EDNRA: variants seen among roughly 807,000 people sequenced by gnomAD.
The protein encoded by EDNRA is endothelin receptor type A, also known as endothelin-1 receptor.
In EDNRA, 11 loss-of-function variants were observed where a neutral mutation model predicts 41.4. The ratio of observed to expected loss-of-function variants is 0.27; its 90% CI spans 0.17 to 0.44. EDNRA has a LOEUF of 0.44. EDNRA is among the 20% of genes least tolerant of loss of function. The probability of loss-of-function intolerance (pLI) is 1.00; values close to 1 mark genes in which losing one functional copy is unlikely to be tolerated. For synonymous variants in EDNRA, 172 were observed against 183.0 expected, an observed-to-expected ratio of 0.94 and a Z score of 0.49; for missense variants, 294 against 531.0, an observed-to-expected ratio of 0.55 and a Z score of 4.39.
chr4:147,485,567 G>T, intron 1 of EDNRA, 45 bp from the exon 2 acceptor site: 1 of 1,156,674 alleles, frequency 8.6e-7, no homozygotes, highest in Non-Finnish European at 1.2e-6. Flanking sequence ...TGATCTTTTT[G>T]GCAACTGGGT....
At chr4:147,485,179 A>G (rs1440665877) in intron 1 of EDNRA, among the ~76,000 whole-genome samples, 4 of 152,370 alleles carry the variant, frequency 2.6e-5, no homozygotes, top group Non-Finnish European at 4.4e-5. Flanking sequence ...AGAAGTAACT[A>G]CTACTTAAAG....
chr4:147,520,216 C>T (rs192759190), intron 3 of EDNRA, among the ~76,000 whole-genome samples: 23 of 152,232 alleles, frequency 1.5e-4, no homozygotes, highest in East Asian at 5.8e-4. Context: ...ACCCATTTGA[C>T]GCCCTTTTGG....
intron 2 of EDNRA, among the ~76,000 whole-genome samples, chr4:147,507,592 G>T (rs920063994): frequency 6.6e-6 from 1 of 152,142 alleles, no homozygotes; most frequent in Non-Finnish European, 1.5e-5. Flanking sequence ...GGATCCTTGC[G>T]GTGATAAACC....
chr4:147,508,663 T>C (rs1302578171), intron 2 of EDNRA, among the ~76,000 whole-genome samples: 4 of 152,192 alleles, frequency 2.6e-5, no homozygotes, highest in African/African-American at 9.6e-5. Flanking sequence ...ATCTAAGTTA[T>C]TTTTTTGCAT....
intron 2 of EDNRA, chr4:147,490,908 T>A (rs1729116276): frequency 6.6e-6 from 1 of 152,128 alleles, no homozygotes; most frequent in African/African-American, 2.4e-5. Flanking sequence ...GAAACAAGAA[T>A]GCAGGGAGAT....
chr4:147,525,526 T>A (rs1359323828), intron 3 of EDNRA, among the ~76,000 whole-genome samples: 1 of 150,242 alleles, frequency 6.7e-6, no homozygotes, highest in African/African-American at 2.5e-5. Context: ...CATTACCAGC[T>A]ATTAAAATAG....
At chr4:147,495,330 T>G (rs922031423) in intron 2 of EDNRA, 1 of 152,222 alleles carries the variant, frequency 6.6e-6, no homozygotes, top group Non-Finnish European at 1.5e-5. Context: ...CAAATAGATT[T>G]TCAAAGACTG....
intron 4 of EDNRA, among the ~76,000 whole-genome samples, chr4:147,535,108 T>C (rs1027308200): frequency 6.6e-6 from 1 of 152,212 alleles, no homozygotes; most frequent in Non-Finnish European, 1.5e-5. Flanking sequence ...TGGTGATTAA[T>C]TTTGTGGGAA....
intron 3 of EDNRA, among the ~76,000 whole-genome samples, chr4:147,528,357 C>CT (rs755450847): frequency 0.011 from 1,262 of 119,422 alleles, 7 homozygotes; most frequent in Non-Finnish European, 0.014. Flanking sequence ...TTCTTGCTTT[C>CT]TTTTTTTTTT....
At chr4:147,542,447 C>T in intron 7 of EDNRA, 31 bp from the exon 8 acceptor site, 1 of 1,613,316 alleles carries the variant, frequency 6.2e-7, no homozygotes, top group South Asian at 1.1e-5. Context: ...CTGGTAGGCT[C>T]GCCTTACTTC....
chr4:147,521,075 A>G (rs958998347), intron 3 of EDNRA, among the ~76,000 whole-genome samples: 1 of 152,082 alleles, frequency 6.6e-6, no homozygotes, highest in Non-Finnish European at 1.5e-5. Context: ...TGAGTAACAT[A>G]GGAAAACCCC....
At position 147,486,840 on chromosome 4, in the gene EDNRA, T is replaced by C. The variant is rs1489880475; in HGVS notation, c.420+739T>C. ...AAACACAACAAAGTCAGTGCCTCAG[T>C]GTGAGAGGAAGATAACTAACCTTGC... On this transcript the variant is annotated intron_variant, in intron 2 of 7. Coordinates refer to ENST00000651419, the MANE Select transcript of EDNRA (RefSeq NM_001957.4). This position sits in a 1 kb window ranked among gnomAD's most constrained non-coding sequence, Gnocchi z 4.3. Among the ~76,000 whole-genome samples the C allele has an allele frequency of 1.3e-5, 2 of 150,638 alleles. No individual in the cohort carries two copies. Among genetic ancestry groups the C allele is most frequent in the African/African-American group, 4.9e-5 (2 of 40,720 alleles).
intron 2 of EDNRA, chr4:147,495,424 A>G (rs1729270513): frequency 1.3e-5 from 2 of 152,254 alleles, no homozygotes. Context: ...GAAGTAACAC[A>G]TTGTAAAGAA....
At position 147,500,098 on chromosome 4, in the gene EDNRA, C is replaced by A. The variant is rs374549300; in HGVS notation, c.420+13997C>A. ...GGGATTACGAGTGTGAGCCACCACA[C>A]CTAGCCTCTAAAAGTCTTAAAGATA... On this transcript the variant is annotated intron_variant, in intron 2 of 7. Transcript: ENST00000651419. 1.2e-3 allele frequency among the ~76,000 whole-genome samples: 178 copies of A among 152,244 alleles called. 1 individual carries two copies. Among genetic ancestry groups the A allele is most frequent in the African/African-American group, 3.9e-3 (163 of 41,528 alleles).
At chr4:147,509,267 A>G (rs1578793359) in intron 2 of EDNRA, among the ~76,000 whole-genome samples, 1 of 152,178 alleles carries the variant, frequency 6.6e-6, no homozygotes, top group Admixed American at 6.5e-5. Context: ...GAAGAGTACA[A>G]TGACCTTTAG....
Position 147,542,769 on chromosome 4 carries a change from A to G in EDNRA, c.*151A>G, listed in dbSNP as rs200498830. ...AAATGCTTTCCAAAACCGCAAGGGTAGACTGGTTTATCCACCCACAACATC... is the reference window on the plus strand; with the variant it reads ...AAATGCTTTCCAAAACCGCAAGGGTGGACTGGTTTATCCACCCACAACATC... On this transcript the variant is annotated 3_prime_UTR_variant, in exon 8 of 8. Coordinates refer to ENST00000651419, the MANE Select transcript of EDNRA (RefSeq NM_001957.4). 3 of 962,988 alleles carry G rather than the reference A, an allele frequency of 3.1e-6. No individual in the cohort carries two copies. The highest frequency in any genetic ancestry group is 4.5e-6 in the Non-Finnish European group (3 of 670,688). The allele number at this position is 962,988 out of a possible 1,614,324, so 59.7% of individuals were successfully genotyped here.
At chr4:147,514,204 A>G (rs9993718) in intron 2 of EDNRA, among the ~76,000 whole-genome samples, 5,234 of 152,270 alleles carry the variant, frequency 0.034, 322 homozygotes, top group African/African-American at 0.12. Flanking sequence ...ACACAGACTT[A>G]CAACGGGGAA....
At chr4:147,506,151 CTG>C (rs1327681027) in intron 2 of EDNRA, 5 of 527,828 alleles carry the variant, frequency 9.5e-6, no homozygotes, top group East Asian at 5.4e-5. Flanking sequence ...AGTTGGGAAA[CTG>C]TGGATTGCCA....
At chr4:147,505,940 G>A (rs1368350136) in intron 2 of EDNRA, among the ~76,000 whole-genome samples, 3 of 152,032 alleles carry the variant, frequency 2.0e-5, no homozygotes, top group Non-Finnish European at 4.4e-5. Context: ...GAGTGACCGC[G>A]CCCGGCCGGC....
Sources: allele counts gnomAD v4.1 joint callset (sites outside exome capture counted in the v4.1 genomes callset), GRCh38; gene constraint gnomAD v4.1.1; non-coding constraint Gnocchi (gnomAD v3.1); transcripts MANE v1.5; gene names NCBI Gene and HGNC (gene_info 2026-07-23, HGNC 2026-07-21).